Variants in PITPNM3 observed in about 807,000 individuals in gnomAD.
PITPNM3 encodes the protein PITPNM family member 3, also known as membrane-associated phosphatidylinositol transfer protein 3.
PITPNM3 carries 26 observed loss-of-function variants against 102.0 expected under a neutral mutation model. That is an observed-to-expected ratio of 0.25 (90% CI 0.19 to 0.35). PITPNM3 has a LOEUF of 0.35. Among genes scored for constraint, PITPNM3 ranks in the 10% least tolerant of loss-of-function variants. The pLI is 1.00. For missense variants in PITPNM3, 1,083 were observed against 1,346.1 expected (o/e 0.80, Z 3.06); for synonymous variants, 578 against 558.6 (o/e 1.03, Z -0.49).
chr17:6,487,141 T>C (rs1186195226), intron 4 of PITPNM3, among the ~76,000 whole-genome samples: 2 of 152,124 alleles, frequency 1.3e-5, no homozygotes, highest in Non-Finnish European at 2.9e-5. Flanking sequence ...ATGGCAGGGC[T>C]GAGGTTGGCT....
rs1033674914 is a variant in PITPNM3, at chr17:6,459,709, T to A, written c.2490+1664A>T. ...CATCACCCCCAATGCAGAAGCTATATTGGTGAGCAGAACGGACAGGCTCTG... is the reference window on the plus strand; with the variant it reads ...CATCACCCCCAATGCAGAAGCTATAATGGTGAGCAGAACGGACAGGCTCTG... On this transcript the variant is annotated intron_variant, in intron 18 of 19. Transcript: ENST00000262483. This position sits in a 1 kb window ranked among gnomAD's most constrained non-coding sequence, Gnocchi z 5.0. Among the ~76,000 whole-genome samples, 1 of 152,168 alleles carries A rather than the reference T, an allele frequency of 6.6e-6. No individual in the cohort carries two copies. The highest frequency in any genetic ancestry group is 1.5e-5 in the Non-Finnish European group (1 of 68,026).
chr17:6,541,885 C>A (rs989161971), intron 1 of PITPNM3, among the ~76,000 whole-genome samples: 1 of 152,186 alleles, frequency 6.6e-6, no homozygotes, highest in Non-Finnish European at 1.5e-5. Context: ...TTGGTGAGTG[C>A]GGCATGCCAG....
chr17:6,549,703 AAGAG>A (rs748819743), intron 1 of PITPNM3, among the ~76,000 whole-genome samples: 19 of 152,284 alleles, frequency 1.2e-4, no homozygotes, highest in Non-Finnish European at 1.9e-4. Context: ...GGAATTTTAA[AAGAG>A]AGAGAGTGGA....
chr17:6,512,565 G>A (rs1331872203), intron 3 of PITPNM3, among the ~76,000 whole-genome samples: 1 of 152,114 alleles, frequency 6.6e-6, no homozygotes, highest in African/African-American at 2.4e-5. Context: ...GTAGGTCTAG[G>A]GGTCTAGAAA....
chr17:6,497,195 A>G (rs1005143987), intron 4 of PITPNM3, among the ~76,000 whole-genome samples: 1 of 152,166 alleles, frequency 6.6e-6, no homozygotes, highest in African/African-American at 2.4e-5. Flanking sequence ...GCCGTGGGCA[A>G]GGGGCTTCAC....
rs949371164 is a variant in PITPNM3 at position 6,455,532 on chromosome 17, G to A, written c.2731C>T (p.His911Tyr). The change falls in exon 20 of 20, where the codon CAC becomes TAC. Residue 911 changes from histidine (H) to tyrosine (Y), a missense_variant. Physicochemically the swap from His to Tyr is moderately conservative, Grantham distance 83 (BLOSUM62 2). Coordinates refer to ENST00000262483, the MANE Select transcript of PITPNM3 (RefSeq NM_031220.4). The stretch of plus-strand genomic sequence containing the variant: ...TTCCGCAGGAACTCTGGCTGCGCGT[G>A]CAGCCCGAAGCTGCCCTTGCGCAGG... The part of the protein sequence containing the change: ...MILRKGSFGL[H>Y]AQPEFLRKRN... 9 of 1,604,698 alleles carry A rather than the reference G, an allele frequency of 5.6e-6. No individual in the cohort carries two copies. The African/African-American group carries it at 1.1e-4, about 19-fold the overall frequency.
intron 17 of PITPNM3, among the ~76,000 whole-genome samples, chr17:6,463,380 G>C (rs1368054151): frequency 8.7e-6 from 1 of 114,364 alleles, no homozygotes; most frequent in Non-Finnish European, 2.0e-5. Context: ...CCAGCCACAG[G>C]GGGCCTCAGA....
chr17:6,542,146 C>G (rs573479520), intron 1 of PITPNM3, among the ~76,000 whole-genome samples: 64 of 152,338 alleles, frequency 4.2e-4, no homozygotes, highest in Admixed American at 9.8e-4. Flanking sequence ...AGAGGCCTGC[C>G]CCTGGCTCCT....
intron 1 of PITPNM3, among the ~76,000 whole-genome samples, chr17:6,540,592 T>C (rs1909675147): frequency 6.6e-6 from 1 of 152,230 alleles, no homozygotes. Context: ...TATATATTCT[T>C]TTCAAATGCA....
At chr17:6,516,102 A>G (rs1048546359) in intron 3 of PITPNM3, among the ~76,000 whole-genome samples, 1 of 152,038 alleles carries the variant, frequency 6.6e-6, no homozygotes, top group Non-Finnish European at 1.5e-5. Context: ...CCAATCTCTA[A>G]AAACAAAACA....
intron 18 of PITPNM3, 94 bp downstream of exon 18, chr17:6,461,279 C>T (rs1197010672): frequency 1.4e-6 from 2 of 1,461,300 alleles, no homozygotes; most frequent in East Asian, 2.3e-5. Flanking sequence ...CTGCACATCA[C>T]AAGGCCCCAC....
intron 3 of PITPNM3, among the ~76,000 whole-genome samples, chr17:6,504,394 T>TCTCCAGGTGTTCATCAGAATGAACC (rs1907365456): frequency 6.6e-6 from 1 of 152,176 alleles, no homozygotes; most frequent in African/African-American, 2.4e-5. Flanking sequence ...CAGAATGAAC[T>TCTCCAGGTGTTCATCAGAATGAACC]TCTCCAGGTG....
At position 6,537,041 on chromosome 17, in the gene PITPNM3, C is replaced by T. The variant is rs1038697647; in HGVS notation, c.118+946G>A. ...CTGGGTACTCGTGCCTCTGAGCCTT[C>T]AAGGCTGATCTCTGCCTGAAATGTC... On this transcript the variant is annotated intron_variant, in intron 2 of 19. Coordinates refer to ENST00000262483, the MANE Select transcript of PITPNM3 (RefSeq NM_031220.4). The surrounding 1 kb of genome is among the most constrained non-coding windows in gnomAD (Gnocchi z 4.4). Among the ~76,000 whole-genome samples the T allele has an allele frequency of 1.3e-5, 2 of 152,146 alleles. No homozygotes were observed. Among genetic ancestry groups the T allele is most frequent in the Non-Finnish European group, 2.9e-5 (2 of 68,024 alleles).
In PITPNM3 at chr17:6,468,341, C is replaced by T. The variant is rs1339375541; in HGVS notation, c.1774G>A (p.Val592Ile). 8 of 1,614,084 alleles carry T rather than the reference C, an allele frequency of 5.0e-6. No homozygotes were observed. The highest frequency in any genetic ancestry group is 6.8e-6 in the Non-Finnish European group (8 of 1,179,986). ...ATGTTCACGCTCTCATAGCGCATTACCTAGCCAAGAGCCGAGCAGGGCCCC... is the reference window on the plus strand; with the variant it reads ...ATGTTCACGCTCTCATAGCGCATTATCTAGCCAAGAGCCGAGCAGGGCCCC... ...TDVVAFILRQ[V>I]MRYESVNIKE... The change falls in exon 14 of 20, where the codon GTA becomes ATA. Residue 592 changes from valine to isoleucine, a missense_variant and splice_region_variant. This residue lies in a region of PITPNM3 where 410 missense variants were observed against 638.4 expected (regional missense o/e 0.64). Transcript: ENST00000262483. This position sits in a 1 kb window ranked among gnomAD's most constrained non-coding sequence, Gnocchi z 5.2.
At chr17:6,497,853 G>C (rs928544099) in intron 4 of PITPNM3, among the ~76,000 whole-genome samples, 13 of 152,222 alleles carry the variant, frequency 8.5e-5, no homozygotes, top group African/African-American at 2.2e-4. Context: ...TCCTGCATGG[G>C]GGTGGGGCAG....
intron 1 of PITPNM3, among the ~76,000 whole-genome samples, chr17:6,555,018 C>T (rs1258365957): frequency 2.6e-5 from 4 of 152,208 alleles, no homozygotes; most frequent in Non-Finnish European, 4.4e-5. Context: ...ATGGGACACA[C>T]GCCCTGCCAC....
intron 3 of PITPNM3, among the ~76,000 whole-genome samples, chr17:6,523,445 C>G (rs1053538789): frequency 6.6e-6 from 1 of 152,182 alleles, no homozygotes; most frequent in Non-Finnish European, 1.5e-5. Flanking sequence ...TGCCTCTGTC[C>G]TGGACCTCCC....
chr17:6,457,750 G>A lies in PITPNM3; in HGVS notation c.2491-28C>T. On this transcript the variant is annotated intron_variant, in intron 18 of 19. Coordinates refer to ENST00000262483, the MANE Select transcript of PITPNM3 (RefSeq NM_031220.4). This position sits in a 1 kb window ranked among gnomAD's most constrained non-coding sequence, Gnocchi z 4.7. ...GAAACACAGGGCAGGCATAGGGGGA[G>A]AGTGAGGCCAGCCCACCCCCTGGAA... 1 of 1,563,370 alleles carries A rather than the reference G, an allele frequency of 6.4e-7. No individual in the cohort carries two copies. The highest frequency in any genetic ancestry group is 8.7e-7 in the Non-Finnish European group (1 of 1,153,600).
intron 1 of PITPNM3, among the ~76,000 whole-genome samples, chr17:6,548,793 C>T (rs568463054): frequency 8.5e-5 from 13 of 152,240 alleles, no homozygotes; most frequent in African/African-American, 2.2e-4. Flanking sequence ...CAGGCAAACA[C>T]GGTGTCAGCA....
Sources: gnomAD v4.1 joint callset for allele counts (sites outside exome capture counted in the v4.1 genomes callset) on GRCh38, gnomAD v4.1.1 for gene constraint, gnomAD v4.1.1 regional missense constraint, Gnocchi (gnomAD v3.1) non-coding constraint, MANE v1.5 for transcripts, NCBI Gene and HGNC (gene_info 2026-07-23, HGNC 2026-07-21) for gene names.